TCF12: variants seen among roughly 807,000 people sequenced by gnomAD.
The protein encoded by TCF12 is transcription factor 12, also known as DNA-binding protein HTF4.
A neutral mutation model predicts 86.0 loss-of-function variants in TCF12; 45 were observed. The ratio of observed to expected loss-of-function variants is 0.52; its 90% CI spans 0.41 to 0.67. TCF12 has a LOEUF of 0.67. Ranked by LOEUF, TCF12 falls within the 30% of genes least tolerant of loss-of-function variation. The pLI is 0.00. For missense variants in TCF12, 881 were observed against 859.9 expected (o/e 1.02, Z -0.31); for synonymous variants, 330 against 299.6 (o/e 1.10, Z -1.05).
At chr15:57,134,345 C>G (rs554944280) in intron 5 of TCF12, 1 of 152,296 alleles carries the variant, frequency 6.6e-6, no homozygotes, top group South Asian at 2.1e-4. Context: ...TGAATAATCA[C>G]GTTGCTGACA....
intron 3 of TCF12, among the ~76,000 whole-genome samples, chr15:57,044,506 A>G (rs1204054284): frequency 2.0e-5 from 3 of 152,184 alleles, no homozygotes; most frequent in East Asian, 3.8e-4. Flanking sequence ...TACAGGGCAT[A>G]TATTCTACCT....
At chr15:57,218,561 A>G (rs1566932347) in intron 8 of TCF12, among the ~76,000 whole-genome samples, 1 of 152,218 alleles carries the variant, frequency 6.6e-6, no homozygotes, top group Non-Finnish European at 1.5e-5. Context: ...ATATGAATAT[A>G]CAAAGTATTA....
chr15:57,275,123 A>G (rs1468332341), intron 19 of TCF12, among the ~76,000 whole-genome samples: 1 of 152,072 alleles, frequency 6.6e-6, no homozygotes, highest in Non-Finnish European at 1.5e-5. Flanking sequence ...ATGGGTACTG[A>G]CTGTTTCATA....
intron 3 of TCF12, among the ~76,000 whole-genome samples, chr15:57,022,741 CT>C (rs1192379212): frequency 2.6e-5 from 4 of 152,122 alleles, no homozygotes; most frequent in Non-Finnish European, 4.4e-5. Flanking sequence ...TGTTTCCTGA[CT>C]TTTTAATGAT....
intron 13 of TCF12, among the ~76,000 whole-genome samples, chr15:57,244,988 T>A (rs1224435023): frequency 4.6e-5 from 7 of 152,220 alleles, no homozygotes; most frequent in African/African-American, 7.2e-5. Flanking sequence ...AAAGCCTTGC[T>A]GAAGAAAAAA....
chr15:57,046,977 C>T (rs902892363), intron 3 of TCF12, among the ~76,000 whole-genome samples: 1 of 152,092 alleles, frequency 6.6e-6, no homozygotes, highest in African/African-American at 2.4e-5. Context: ...ATTAAGAAGC[C>T]CTGTCTGGTT....
intron 6 of TCF12, among the ~76,000 whole-genome samples, chr15:57,187,997 T>C (rs1293124747): frequency 6.6e-6 from 1 of 151,982 alleles, no homozygotes; most frequent in African/African-American, 2.4e-5. Flanking sequence ...GGTATCCAAA[T>C]TGTAAAAGAA....
At chr15:57,006,037 T>C (rs1250018367) in intron 3 of TCF12, among the ~76,000 whole-genome samples, 1 of 152,202 alleles carries the variant, frequency 6.6e-6, no homozygotes, top group East Asian at 1.9e-4. Flanking sequence ...GACTGTAAGG[T>C]CATTTATGAC....
At chr15:57,088,152 G>A (rs1304261005) in intron 4 of TCF12, among the ~76,000 whole-genome samples, 2 of 152,126 alleles carry the variant, frequency 1.3e-5, no homozygotes, top group African/African-American at 4.8e-5. Context: ...TTGTTTGCTT[G>A]GTTTTTGTTC....
At chr15:57,166,159 C>T (rs376205444) in intron 5 of TCF12, among the ~76,000 whole-genome samples, 1 of 152,248 alleles carries the variant, frequency 6.6e-6, no homozygotes, top group South Asian at 2.1e-4. Context: ...TAAAGCAGTC[C>T]TCCCACCTCA....
rs925318251 is a variant in TCF12 at position 57,289,070 on chromosome 15, T to C, written c.*2925T>C. 5.9e-5 allele frequency: 9 copies of C among 152,062 alleles called. No individual in the cohort carries two copies. Among genetic ancestry groups the C allele is most frequent in the African/African-American group, 2.2e-4 (9 of 41,510 alleles). The allele number at this position is 152,062 out of a possible 1,614,324, so 9.4% of individuals were successfully genotyped here. On this transcript the variant is annotated 3_prime_UTR_variant, in exon 21 of 21. Coordinates refer to ENST00000333725, the MANE Select transcript of TCF12 (RefSeq NM_207037.2). ...GAACCTCAAACAAACTAGACAAACT[T>C]TTTTTTTGACAGTGAATGACTTTTT... is the stretch of plus-strand genomic sequence containing the variant.
At chr15:57,036,170 T>C (rs773908482) in intron 3 of TCF12, among the ~76,000 whole-genome samples, 41 of 151,898 alleles carry the variant, frequency 2.7e-4, no homozygotes, top group Admixed American at 1.3e-4. Flanking sequence ...TCAAAGCATT[T>C]TGGTTTTCCC....
At chr15:57,240,291 TA>T (rs1245965769) in intron 12 of TCF12, among the ~76,000 whole-genome samples, 2 of 152,208 alleles carry the variant, frequency 1.3e-5, no homozygotes, top group Non-Finnish European at 2.9e-5. Context: ...TGGGAAAGGA[TA>T]AAAAAACAGG....
chr15:57,104,565 C>T lies in TCF12; in HGVS notation c.325+12674C>T, dbSNP rs142870999. Among the ~76,000 whole-genome samples the T allele has an allele frequency of 2.3e-3, 349 of 151,026 alleles. 2 individuals carry two copies. The highest frequency in any genetic ancestry group is 8.0e-3 in the African/African-American group (330 of 41,194). The stretch of plus-strand genomic sequence containing the variant: ...CAAGCGATTCTCCTGCCTCAGCCTC[C>T]GGAGTAGCTGGGACTACAGGCGCGC... On this transcript the variant is annotated intron_variant, in intron 5 of 20. Coordinates refer to ENST00000333725, the MANE Select transcript of TCF12 (RefSeq NM_207037.2).
At chr15:57,272,555 G>T (rs978835721) in intron 18 of TCF12, among the ~76,000 whole-genome samples, 1 of 152,166 alleles carries the variant, frequency 6.6e-6, no homozygotes, top group Admixed American at 6.5e-5. Context: ...TACTAGGGGG[G>T]CTTTTAAACT....
chr15:56,919,754 G>A, intron 1 of TCF12, 138 bp from the exon 2 acceptor site: 1 of 668,380 alleles, frequency 1.5e-6, no homozygotes, highest in Non-Finnish European at 2.4e-6. Context: ...TCGCGCCGCG[G>A]TGGGAGCGAG....
chr15:57,264,874 T>C (rs1314582079), intron 18 of TCF12, among the ~76,000 whole-genome samples: 3 of 151,978 alleles, frequency 2.0e-5, no homozygotes, highest in Non-Finnish European at 4.4e-5. Flanking sequence ...GGACTACAGG[T>C]GCCTGCCACC....
At chr15:57,204,276 C>T (rs1451526048) in intron 8 of TCF12, among the ~76,000 whole-genome samples, 1 of 152,018 alleles carries the variant, frequency 6.6e-6, no homozygotes, top group Non-Finnish European at 1.5e-5. Flanking sequence ...TCTGCACACA[C>T]ACACACAAAA....
chr15:57,104,442 T>TTC, intron 5 of TCF12, among the ~76,000 whole-genome samples: 1 of 133,884 alleles, frequency 7.5e-6, no homozygotes, highest in South Asian at 2.3e-4. Flanking sequence ...TTTCTTTTTT[T>TTC]TTTTTTTTTT....
Sources: gnomAD v4.1 joint callset for allele counts (sites outside exome capture counted in the v4.1 genomes callset) on GRCh38, gnomAD v4.1.1 for gene constraint, MANE v1.5 for transcripts, NCBI Gene and HGNC (gene_info 2026-07-23, HGNC 2026-07-21) for gene names.